The following NFE2L2 variants were observed in gnomAD, a reference collection of about 807,000 sequenced individuals.
NFE2L2 encodes the protein NFE2 like bZIP transcription factor 2.
In NFE2L2, 20 loss-of-function variants were observed where a neutral mutation model predicts 49.6. That is an observed-to-expected ratio of 0.40 (90% CI 0.28 to 0.59). The LOEUF (loss-of-function observed/expected upper bound fraction) is 0.59, where lower values mean the gene tolerates loss of function less well. Ranked by LOEUF, NFE2L2 falls within the 20% of genes least tolerant of loss-of-function variation. The pLI is 0.40. For synonymous variants in NFE2L2, 244 were observed against 256.5 expected (o/e 0.95, Z 0.47); for missense variants, 578 against 714.2 (o/e 0.81, Z 2.17).
At chr2:177,244,245 T>C (rs552282408) in intron 1 of NFE2L2, among the ~76,000 whole-genome samples, 2 of 151,092 alleles carry the variant, frequency 1.3e-5, no homozygotes, top group East Asian at 3.9e-4. Context: ...GAGGTTGCAG[T>C]GAGCCAAGAT....
At position 177,231,357 on chromosome 2, in the gene NFE2L2, G is replaced by T. The variant is rs1689541454; in HGVS notation, c.1246C>A (p.His416Asn). ...PLSPSQGQSTHVHDAQCENTP... is the reference protein window; with the variant it reads ...PLSPSQGQSTNVHDAQCENTP... ...TTCTCACATTGGGCATCATGCACGT[G>T]AGTGCTCTGCCCCTGAGATGGTGAC... is the stretch of plus-strand genomic sequence containing the variant. Residue 416 changes from histidine (H) to asparagine (N), a missense_variant, in exon 5 of 5, where the codon CAC becomes AAC. This residue lies in a region of NFE2L2 where 368 missense variants were observed against 384.6 expected (regional missense o/e 0.96). Coordinates refer to ENST00000397062, the MANE Select transcript of NFE2L2 (RefSeq NM_006164.5). 1 of 1,614,254 alleles carries T rather than the reference G, an allele frequency of 6.2e-7. No individual in the cohort carries two copies. The highest frequency in any genetic ancestry group is 1.1e-5 in the South Asian group (1 of 91,086).
At chr2:177,263,678 A>G (rs1001843982) in intron 1 of NFE2L2, 1 of 985,470 alleles carries the variant, frequency 1.0e-6, no homozygotes, top group Non-Finnish European at 1.2e-6. Context: ...CGTCCGAACT[A>G]GAAGCCCCGG....
chr2:177,264,689 C>A lies in NFE2L2; in HGVS notation c.-113G>T. Reference sequence around the variant, plus strand: ...GCGGCGGCGGCGGCGGTGGCGGCTGCGTCGGCGGCTCCTCCGGGCTCCCCG... The same window carrying A: ...GCGGCGGCGGCGGCGGTGGCGGCTGAGTCGGCGGCTCCTCCGGGCTCCCCG... On this transcript the variant is annotated 5_prime_UTR_variant, in exon 1 of 5. Transcript: ENST00000397062. The A allele has an allele frequency of 1.0e-6, 1 of 999,070 alleles. No homozygotes were observed. The highest frequency in any genetic ancestry group is 1.3e-6 in the Non-Finnish European group (1 of 755,506). 61.9% of individuals were successfully genotyped at this position (999,070 alleles called of 1,614,324 possible). A position where few individuals can be genotyped will look rare whatever the true frequency, so the allele number is the denominator to read the frequency against.
chr2:177,241,015 A>G (rs369015330), intron 1 of NFE2L2, among the ~76,000 whole-genome samples: 30 of 152,238 alleles, frequency 2.0e-4, no homozygotes, highest in South Asian at 1.0e-3. Context: ...CCTACCCTCT[A>G]TCTTGCCCTG....
intron 1 of NFE2L2, among the ~76,000 whole-genome samples, chr2:177,243,305 T>A (rs1014906502): frequency 3.9e-5 from 6 of 152,124 alleles, no homozygotes; most frequent in Non-Finnish European, 8.8e-5. Context: ...CACCTTGAGG[T>A]CAAACAGCTT....
intron 1 of NFE2L2, among the ~76,000 whole-genome samples, chr2:177,253,640 A>G (rs1329323872): frequency 1.3e-5 from 2 of 152,220 alleles, no homozygotes. Context: ...TTAGAGTTCA[A>G]ATTACTTAAG....
In NFE2L2 at chr2:177,232,112, CTA is replaced by C; in HGVS notation, c.595-106_595-105del. ...ACCCACATTATCTTCAGGCTTATCT[CTA>C]TAATTTATTATCTATAATTCAGAGA... On this transcript the variant is annotated intron_variant, in intron 4 of 4. Transcript: ENST00000397062. 5 of 1,129,184 alleles carry C rather than the reference CTA, an allele frequency of 4.4e-6. No homozygotes were observed. The South Asian group carries it at 8.3e-5, about 19-fold the overall frequency. 69.9% of individuals were successfully genotyped at this position (1,129,184 alleles called of 1,614,324 possible).
intron 1 of NFE2L2, among the ~76,000 whole-genome samples, chr2:177,254,489 C>T (rs1013580230): frequency 3.9e-5 from 6 of 152,206 alleles, no homozygotes; most frequent in African/African-American, 1.2e-4. Flanking sequence ...CACCACCGTG[C>T]TTCCACTGGG....
chr2:177,238,025 TA>T (rs1169763263), intron 1 of NFE2L2, among the ~76,000 whole-genome samples: 1 of 152,214 alleles, frequency 6.6e-6, no homozygotes, highest in Non-Finnish European at 1.5e-5. Flanking sequence ...TTGAACTCTG[TA>T]AAATAGGCAG....
At position 177,233,280 on chromosome 2, in the gene NFE2L2, C is replaced by T. The variant is rs183034165; in HGVS notation, c.372G>A (p.Ala124=). Residue 124 remains alanine, a synonymous_variant, in exon 3 of 5, where the codon GCG becomes GCA. Transcript: ENST00000397062. ...LYFDDCMQLL[A]QTFPFVDDNE... ...TGTCATCTACAAACGGGAATGTCTGCGCCAAAAGCTGCATGCAGTCATCAA... is the reference window on the plus strand; with the variant it reads ...TGTCATCTACAAACGGGAATGTCTGTGCCAAAAGCTGCATGCAGTCATCAA... 159 of 1,600,330 alleles carry T rather than the reference C, an allele frequency of 9.9e-5. 1 individual carries two copies. In the African/African-American group the frequency reaches 1.2e-3, roughly 13 times the overall value.
intron 1 of NFE2L2, among the ~76,000 whole-genome samples, chr2:177,260,968 C>A (rs762592045): frequency 3.3e-5 from 5 of 151,944 alleles, no homozygotes; most frequent in Non-Finnish European, 7.4e-5. Flanking sequence ...GTCAGGAGTT[C>A]GAGACCAGCC....
chr2:177,250,670 G>C (rs939266124), intron 1 of NFE2L2, among the ~76,000 whole-genome samples: 2 of 152,186 alleles, frequency 1.3e-5, no homozygotes, highest in African/African-American at 4.8e-5. Flanking sequence ...TCTGATAAAT[G>C]GTGACAGTGA....
At chr2:177,261,433 T>G (rs536862999) in intron 1 of NFE2L2, among the ~76,000 whole-genome samples, 27 of 152,342 alleles carry the variant, frequency 1.8e-4, no homozygotes, top group African/African-American at 6.3e-4. Flanking sequence ...TACCCACTTT[T>G]TAAAGTGTGA....
Position 177,231,344 on chromosome 2 carries a change from G to A in NFE2L2, c.1259C>T (p.Ala420Val), listed in dbSNP as rs985096720. The change falls in exon 5 of 5, where the codon GCC becomes GTC. Residue 420 changes from alanine to valine, a missense_variant. Around this residue, in one of 3 missense-constraint regions of NFE2L2, gnomAD observed 368 missense variants for 384.6 expected, o/e 0.96. Transcript: ENST00000397062. ...SQGQSTHVHDAQCENTPEKEL... is the reference protein window; with the variant it reads ...SQGQSTHVHDVQCENTPEKEL... ...TTTCTCTGGTGTGTTCTCACATTGG[G>A]CATCATGCACGTGAGTGCTCTGCCC... The A allele has an allele frequency of 5.6e-6, 9 of 1,614,138 alleles. No individual in the cohort carries two copies. Among genetic ancestry groups the A allele is most frequent in the Non-Finnish European group, 7.6e-6 (9 of 1,180,052 alleles).
intron 1 of NFE2L2, among the ~76,000 whole-genome samples, chr2:177,259,104 T>C (rs541744042): frequency 3.3e-4 from 50 of 152,228 alleles, no homozygotes; most frequent in African/African-American, 1.2e-3. Flanking sequence ...GAGGTCGGGA[T>C]CAGCCTGGCC....
chr2:177,264,299 T>C (rs1261230798), intron 1 of NFE2L2: 2 of 481,312 alleles, frequency 4.2e-6, no homozygotes, highest in East Asian at 3.8e-5. Context: ...TTCCCGCAAC[T>C]TCCCACCCGT....
chr2:177,247,855 GCTGGGGTA>G (rs1196715130), intron 1 of NFE2L2, among the ~76,000 whole-genome samples: 1 of 152,172 alleles, frequency 6.6e-6, no homozygotes, highest in Non-Finnish European at 1.5e-5. Context: ...GAATGCAGAG[GCTGGGGTA>G]CCCGCAGATA....
intron 1 of NFE2L2, among the ~76,000 whole-genome samples, chr2:177,258,273 C>T (rs893356897): frequency 5.9e-5 from 9 of 152,192 alleles, no homozygotes; most frequent in African/African-American, 1.7e-4. Flanking sequence ...TATTGATATA[C>T]GTTGCAACAT....
chr2:177,240,358 A>G (rs1413028305), intron 1 of NFE2L2, among the ~76,000 whole-genome samples: 1 of 152,234 alleles, frequency 6.6e-6, no homozygotes, highest in Non-Finnish European at 1.5e-5. Flanking sequence ...ACAGCACTGC[A>G]CAGATACTTT....
Sources: gnomAD v4.1 joint callset for allele counts (sites outside exome capture counted in the v4.1 genomes callset) on GRCh38, gnomAD v4.1.1 for gene constraint, gnomAD v4.1.1 regional missense constraint, MANE v1.5 for transcripts, NCBI Gene and HGNC (gene_info 2026-07-23, HGNC 2026-07-21) for gene names.